RNF7: variants seen among roughly 807,000 people sequenced by gnomAD.
RNF7 encodes RING-box protein 2.
A neutral mutation model predicts 17.0 loss-of-function variants in RNF7; 9 were observed. The observed-to-expected ratio is 0.53, with a 90% CI of 0.32 to 0.92. The LOEUF is 0.92. Among genes scored for constraint, RNF7 ranks in the 40% least tolerant of loss-of-function variants. RNF7 has a pLI of 0.04. For missense variants in RNF7, 87 were observed against 145.8 expected (o/e 0.60, Z 2.08); for synonymous variants, 59 against 50.5 (o/e 1.17, Z -0.72).
At chr3:141,740,302 A>G (rs1027487215) in intron 1 of RNF7, among the ~76,000 whole-genome samples, 2 of 152,136 alleles carry the variant, frequency 1.3e-5, no homozygotes, top group African/African-American at 4.8e-5. Flanking sequence ...GGTATTTTCA[A>G]AAGATTTGTC....
At chr3:141,745,098 T>G in intron 2 of RNF7, 61 bp from the exon 3 acceptor site, 1 of 1,017,908 alleles carries the variant, frequency 9.8e-7, no homozygotes, top group South Asian at 1.5e-5. Flanking sequence ...TAAGCTATAA[T>G]TTTGAGTTCA....
At position 141,738,351 on chromosome 3, in the gene RNF7, G is replaced by A. The variant is rs769546485; in HGVS notation, c.10G>A (p.Val4Met). 2.6e-6 allele frequency: 4 copies of A among 1,561,728 alleles called. No individual in the cohort carries two copies. In the South Asian group the frequency reaches 3.5e-5, roughly 14 times the overall value. MAD[V>M]EDGEETCALA... ...GCTCCGCGGCGCCGCCATGGCCGAC[G>A]TGGAAGACGGAGAGGAAACCTGCGC... The change falls in exon 1 of 3, where the codon GTG becomes ATG. Residue 4 changes from valine to methionine, a missense_variant. Transcript: ENST00000273480.
chr3:141,745,623 A>T lies in RNF7; in HGVS notation c.*346A>T, dbSNP rs965073925. On this transcript the variant is annotated 3_prime_UTR_variant, in exon 3 of 3. Coordinates refer to ENST00000273480, the MANE Select transcript of RNF7 (RefSeq NM_014245.5). ...TACAACAGGCAGTGGAAGCAGTTTC[A>T]GAGAACTTTTTGCATGCTTATGGTT... 1 of 155,718 alleles carries T rather than the reference A, an allele frequency of 6.4e-6. No individual in the cohort carries two copies. The highest frequency in any genetic ancestry group is 6.5e-5 in the Admixed American group (1 of 15,436). 9.6% of individuals were successfully genotyped at this position (155,718 alleles called of 1,614,324 possible).
At chr3:141,742,855 T>G in intron 1 of RNF7, 1 of 1,118,372 alleles carries the variant, frequency 8.9e-7, no homozygotes, top group Non-Finnish European at 1.1e-6. Flanking sequence ...TGTCTTAGGG[T>G]AGAAAGTAAA....
intron 2 of RNF7, 91 bp downstream of exon 2, chr3:141,743,647 A>G (rs2084443502): frequency 2.2e-6 from 2 of 913,352 alleles, no homozygotes; most frequent in Admixed American, 2.3e-5. Flanking sequence ...GACTTTATCA[A>G]TACACAAAAA....
chr3:141,740,231 G>C (rs776014734), intron 1 of RNF7, among the ~76,000 whole-genome samples: 1 of 143,366 alleles, frequency 7.0e-6, no homozygotes, highest in Non-Finnish European at 1.5e-5. Context: ...ATTTCCTTTA[G>C]TTTAAAGGAA....
chr3:141,743,561 G>A lies in RNF7; in HGVS notation c.223+5G>A. On this transcript the variant is annotated splice_donor_5th_base_variant and intron_variant, in intron 2 of 2. Coordinates refer to ENST00000273480, the MANE Select transcript of RNF7 (RefSeq NM_014245.5). ...ACAAACAAGAGGACTGTGTTGGTAT[G>A]TTGTAATTTTGTTCTCTTGCTTTTT... 1 of 1,604,300 alleles carries A rather than the reference G, an allele frequency of 6.2e-7. No homozygotes were observed. The highest frequency in any genetic ancestry group is 8.5e-7 in the Non-Finnish European group (1 of 1,176,024).
intron 1 of RNF7, among the ~76,000 whole-genome samples, chr3:141,738,876 G>A (rs936022107): frequency 2.6e-5 from 4 of 152,210 alleles, no homozygotes; most frequent in African/African-American, 4.8e-5. Flanking sequence ...GAAACACTTC[G>A]GTTTGTGTGT....
At chr3:141,744,371 C>G (rs2084451554) in intron 2 of RNF7, among the ~76,000 whole-genome samples, 1 of 151,418 alleles carries the variant, frequency 6.6e-6, no homozygotes, top group African/African-American at 2.4e-5. Flanking sequence ...ATCTTTTTCT[C>G]TGCCTTATTT....
intron 1 of RNF7, among the ~76,000 whole-genome samples, chr3:141,739,125 G>A (rs188537118): frequency 6.6e-5 from 10 of 152,334 alleles, no homozygotes; most frequent in Non-Finnish European, 1.0e-4. Context: ...GATTTAAGAC[G>A]GGTCAGATAG....
At chr3:141,742,689 T>A in intron 1 of RNF7, 1 of 1,196,488 alleles carries the variant, frequency 8.4e-7, no homozygotes, top group Non-Finnish European at 1.1e-6. Flanking sequence ...CTGAACCTAA[T>A]AAATGCCAGT....
Position 141,738,548 on chromosome 3 carries a change from T to C in RNF7, c.175+32T>C, listed in dbSNP as rs752036084. 7.0e-6 allele frequency: 11 copies of C among 1,562,590 alleles called. No individual in the cohort carries two copies. The Admixed American group carries it at 1.5e-4, about 21-fold the overall frequency. On this transcript the variant is annotated intron_variant, in intron 1 of 2. Coordinates refer to ENST00000273480, the MANE Select transcript of RNF7 (RefSeq NM_014245.5). ...GCTGCACGCGAGTCCAGGGCCGCCC[T>C]GCGGCCTCCGGGAGCCGACCTCGGG...
chr3:141,738,664 A>G, intron 1 of RNF7, 148 bp downstream of exon 1: 1 of 841,294 alleles, frequency 1.2e-6, no homozygotes, highest in Non-Finnish European at 1.7e-6. Context: ...CGCCGGAGGA[A>G]CGCGGAGCCA....
Position 141,747,388 on chromosome 3 carries a change from C to T in RNF7, c.*2111C>T, listed in dbSNP as rs2084485014. 2.0e-5 allele frequency: 3 copies of T among 151,662 alleles called. No homozygotes were observed. In the South Asian group the frequency reaches 6.3e-4, roughly 32 times the overall value. 9.4% of individuals were successfully genotyped at this position (151,662 alleles called of 1,614,324 possible). On this transcript the variant is annotated 3_prime_UTR_variant, in exon 3 of 3. Transcript: ENST00000273480. ...ATTTTACTGTTGCATTAGAAACAAA[C>T]AAGTTATCTTTCGCTATTTAATTTT...
intron 1 of RNF7, among the ~76,000 whole-genome samples, chr3:141,740,076 T>C (rs893273479): frequency 6.6e-5 from 10 of 151,854 alleles, no homozygotes; most frequent in African/African-American, 2.4e-4. Context: ...TAAAAGTATC[T>C]AGTTTATTTG....
intron 1 of RNF7, among the ~76,000 whole-genome samples, chr3:141,742,182 A>G (rs955825469): frequency 9.7e-5 from 14 of 143,910 alleles, no homozygotes; most frequent in African/African-American, 3.6e-4. Flanking sequence ...GTTCCCTGCT[A>G]TGTGGCCATG....
intron 2 of RNF7, among the ~76,000 whole-genome samples, chr3:141,744,332 CT>C (rs1294897823): frequency 2.6e-5 from 4 of 152,048 alleles, no homozygotes; most frequent in Non-Finnish European, 4.4e-5. Context: ...GCATTTTTTT[CT>C]TTTTTTCTGC....
chr3:141,738,962 A>G (rs1408223968), intron 1 of RNF7, among the ~76,000 whole-genome samples: 3 of 152,206 alleles, frequency 2.0e-5, no homozygotes, highest in South Asian at 2.1e-4. Context: ...GTGAACTTTA[A>G]TAGTCTTGGT....
rs1398834182 is a variant in RNF7, at chr3:141,738,440, G to A, written c.99G>A (p.Lys33=). 6 of 1,613,582 alleles carry A rather than the reference G, an allele frequency of 3.7e-6. No individual in the cohort carries two copies. The highest frequency in any genetic ancestry group is 5.1e-6 in the Non-Finnish European group (6 of 1,179,750). The change falls in exon 1 of 3, where the codon AAG becomes AAA. Residue 33 remains lysine (K), a synonymous_variant. Transcript: ENST00000273480. ...GAGGCGACAAGATGTTCTCCCTCAA[G>A]AAGTGGAACGCGGTGGCCATGTGGA... is the stretch of plus-strand genomic sequence containing the variant. ...KSGGDKMFSL[K]KWNAVAMWSW...
Sources: allele counts gnomAD v4.1 joint callset (sites outside exome capture counted in the v4.1 genomes callset), GRCh38; gene constraint gnomAD v4.1.1; transcripts MANE v1.5; gene names NCBI Gene and HGNC (gene_info 2026-07-23, HGNC 2026-07-21).